MYO9B: variants seen among roughly 807,000 people sequenced by gnomAD.
MYO9B encodes unconventional myosin-IXb.
A neutral mutation model predicts 229.5 loss-of-function variants in MYO9B; 71 were observed. The observed-to-expected ratio is 0.31, with a 90% CI of 0.26 to 0.38. The LOEUF (loss-of-function observed/expected upper bound fraction) is 0.38. Ranked by LOEUF, MYO9B falls within the 10% of genes least tolerant of loss-of-function variation. The pLI is 1.00. For missense variants in MYO9B, 2,255 were observed against 2,920.5 expected, an observed-to-expected ratio of 0.77 and a Z score of 5.25; for synonymous variants, 1,185 against 1,235.8, an observed-to-expected ratio of 0.96 and a Z score of 0.86.
chr19:17,205,764 G>A (rs1468580638), intron 31 of MYO9B, among the ~76,000 whole-genome samples, 196 bp from the exon 32 acceptor site: 1 of 152,144 alleles, frequency 6.6e-6, no homozygotes, highest in African/African-American at 2.4e-5. Flanking sequence ...GGAAGCCCCT[G>A]CCCAGTGGCT....
At position 17,195,262 on chromosome 19, in the gene MYO9B, T is replaced by C. The variant is rs772950977; in HGVS notation, c.3835T>C (p.Cys1279Arg). The change falls in exon 22 of 40, where the codon TGT becomes CGT. Residue 1279 changes from cysteine (C) to arginine (R), a missense_variant. This residue lies in a region of MYO9B where 679 missense variants were observed against 770.2 expected (regional missense o/e 0.88). Coordinates refer to ENST00000682292, the MANE Select transcript of MYO9B (RefSeq NM_004145.4). The surrounding 1 kb of genome is among the most constrained non-coding windows in gnomAD (Gnocchi z 4.5). ...PETPEDKSKPCGSPRVQEKPD... is the reference protein window; with the variant it reads ...PETPEDKSKPRGSPRVQEKPD... ...GACCCCCGAGGACAAGAGCAAACCA[T>C]GTGGCAGCCCAAGGGTTCAGGAAAA... The C allele has an allele frequency of 1.7e-4, 280 of 1,609,888 alleles. No individual in the cohort carries two copies. The highest frequency in any genetic ancestry group is 2.5e-6 in the Non-Finnish European group (3 of 1,179,348).
In MYO9B at chr19:17,102,551, G is replaced by T. The variant is rs1364495890; in HGVS notation, c.834G>T (p.Val278=). The change falls in exon 2 of 40, where the codon GTG becomes GTT. Residue 278 remains valine (V), a synonymous_variant. Coordinates refer to ENST00000682292, the MANE Select transcript of MYO9B (RefSeq NM_004145.4). Reference sequence around the variant, plus strand: ...GGACCATCCTGGGTGCTGGCCCTGTGCTGGAGGTGAGCGGGGAAGCTGGTC... The same window carrying T: ...GGACCATCCTGGGTGCTGGCCCTGTTCTGGAGGTGAGCGGGGAAGCTGGTC... ...VERTILGAGP[V]LEAFGNAKTA... The T allele has an allele frequency of 3.1e-6, 5 of 1,587,314 alleles. No individual in the cohort carries two copies. The highest frequency in any genetic ancestry group is 4.3e-6 in the Non-Finnish European group (5 of 1,164,988).
intron 2 of MYO9B, among the ~76,000 whole-genome samples, chr19:17,126,847 A>G (rs1250291824): frequency 2.1e-5 from 3 of 145,276 alleles, no homozygotes; most frequent in South Asian, 2.2e-4. Context: ...TGCTTTTAAT[A>G]GAGACGGGGT....
chr19:17,212,630 C>G lies in MYO9B; in HGVS notation c.*320C>G. On this transcript the variant is annotated 3_prime_UTR_variant, in exon 40 of 40. Coordinates refer to ENST00000682292, the MANE Select transcript of MYO9B (RefSeq NM_004145.4). The surrounding 1 kb of genome is among the most constrained non-coding windows in gnomAD (Gnocchi z 5.4). Reference sequence around the variant, plus strand: ...TGTACGTGGTTTACGTAACTTTAAACTGTAACAGCCTTAATGGAAGACCAA... The same window carrying G: ...TGTACGTGGTTTACGTAACTTTAAAGTGTAACAGCCTTAATGGAAGACCAA... The G allele has an allele frequency of 2.8e-6, 1 of 357,294 alleles. No homozygotes were observed. Among genetic ancestry groups the G allele is most frequent in the Admixed American group, 4.4e-5 (1 of 22,504 alleles). The allele number at this position is 357,294 out of a possible 1,614,324, so 22.1% of individuals were successfully genotyped here.
chr19:17,199,408 C>G (rs915903804), intron 24 of MYO9B, among the ~76,000 whole-genome samples: 4 of 152,120 alleles, frequency 2.6e-5, no homozygotes, highest in Non-Finnish European at 5.9e-5. Flanking sequence ...TGGAGTCCCC[C>G]TGTGGCTTCT....
chr19:17,210,460 T>A (rs2073214433), intron 37 of MYO9B, 80 bp downstream of exon 37: 11 of 1,444,434 alleles, frequency 7.6e-6, no homozygotes, highest in Non-Finnish European at 1.0e-5. Context: ...CCTGGGCCCC[T>A]CGTAGGATAG....
In MYO9B at chr19:17,128,703, G is replaced by A. The variant is rs138924634; in HGVS notation, c.841-16694G>A. 2.3e-3 allele frequency among the ~76,000 whole-genome samples: 344 copies of A among 152,364 alleles called. 1 individual carries two copies. The highest frequency in any genetic ancestry group is 7.8e-3 in the African/African-American group (325 of 41,596). On this transcript the variant is annotated intron_variant, in intron 2 of 39. Coordinates refer to ENST00000682292, the MANE Select transcript of MYO9B (RefSeq NM_004145.4). ...TCCCCAGGTGGGCGTCACCTACTCCGTGGCCTCGGGACGAGTGCTGTTTCA... is the reference window on the plus strand; with the variant it reads ...TCCCCAGGTGGGCGTCACCTACTCCATGGCCTCGGGACGAGTGCTGTTTCA...
chr19:17,095,120 T>TC (rs2057675252), intron 1 of MYO9B, among the ~76,000 whole-genome samples: 1 of 151,864 alleles, frequency 6.6e-6, no homozygotes, highest in African/African-American at 2.4e-5. Context: ...ATGCCTGTAA[T>TC]CCCCTGAGAT....
In MYO9B at chr19:17,172,259, G is replaced by C; in HGVS notation, c.1794-77G>C. 2 of 1,572,130 alleles carry C rather than the reference G, an allele frequency of 1.3e-6. No homozygotes were observed. Among genetic ancestry groups the C allele is most frequent in the East Asian group, 4.5e-5 (2 of 44,276 alleles). ...TGCACCCACCCACCTCGTGCACCAG[G>C]GGTCTGCAAGATAAAATACACAGCA... On this transcript the variant is annotated intron_variant, in intron 11 of 39. Coordinates refer to ENST00000682292, the MANE Select transcript of MYO9B (RefSeq NM_004145.4). This position sits in a 1 kb window ranked among gnomAD's most constrained non-coding sequence, Gnocchi z 8.2.
chr19:17,173,238 A>G (rs2145364469), intron 13 of MYO9B, among the ~76,000 whole-genome samples: 1 of 144,632 alleles, frequency 6.9e-6, no homozygotes, highest in African/African-American at 2.5e-5. Flanking sequence ...GCTGATTGTG[A>G]TAATGTAGCT....
At chr19:17,155,071 G>A (rs1018278297) in intron 6 of MYO9B, among the ~76,000 whole-genome samples, 3 of 152,158 alleles carry the variant, frequency 2.0e-5, no homozygotes, top group African/African-American at 7.2e-5. Context: ...GTTCAAGGCT[G>A]TAAGTGAGCT....
At chr19:17,188,285 C>T (rs577502535) in intron 19 of MYO9B, among the ~76,000 whole-genome samples, 3 of 152,002 alleles carry the variant, frequency 2.0e-5, no homozygotes, top group South Asian at 2.1e-4. Flanking sequence ...AAAAATTAGC[C>T]GGGTGTGGCA....
rs2073097635 is a variant in MYO9B at position 17,200,693 on chromosome 19, C to T, written c.4427C>T (p.Pro1476Leu). 2 of 1,613,940 alleles carry T rather than the reference C, an allele frequency of 1.2e-6. No homozygotes were observed. Among genetic ancestry groups the T allele is most frequent in the African/African-American group, 1.3e-5 (1 of 74,934 alleles). ...HAAGEKRTKEPGGKGKKNRNV... is the reference protein window; with the variant it reads ...HAAGEKRTKELGGKGKKNRNV... ...GCAGGTGAGAAGCGCACCAAGGAAC[C>T]AGGAGGCAAAGGGAAGAAGAACCGA... Residue 1476 changes from proline (P) to leucine (L), a missense_variant, in exon 26 of 40, where the codon CCA (proline) becomes CTA (leucine). Pro to Leu is a moderately conservative substitution (Grantham distance 98, BLOSUM62 -3). Around this residue, in one of 7 missense-constraint regions of MYO9B, gnomAD observed 416 missense variants for 605.5 expected, o/e 0.69. Coordinates refer to ENST00000682292, the MANE Select transcript of MYO9B (RefSeq NM_004145.4).
At chr19:17,128,398 G>C (rs1208081949) in intron 2 of MYO9B, among the ~76,000 whole-genome samples, 1 of 152,096 alleles carries the variant, frequency 6.6e-6, no homozygotes, top group Admixed American at 6.6e-5. Flanking sequence ...CTCACTAAAA[G>C]AAATAGCCTG....
At position 17,085,128 on chromosome 19, in the gene MYO9B, A is replaced by G. The variant is rs185093321; in HGVS notation, c.-59+9254A>G. 3.1e-3 allele frequency among the ~76,000 whole-genome samples: 471 copies of G among 152,258 alleles called. 1 individual carries two copies. The highest frequency in any genetic ancestry group is 9.9e-3 in the African/African-American group (412 of 41,544). On this transcript the variant is annotated intron_variant, in intron 1 of 39. Coordinates refer to ENST00000682292, the MANE Select transcript of MYO9B (RefSeq NM_004145.4). ...GTCCCTGGCACAGGGATGAGCTTCA[A>G]GGGGAGCTGGGGAGTGGCTGTTTCA...
At chr19:17,147,280 C>T (rs1293173147) in intron 3 of MYO9B, among the ~76,000 whole-genome samples, 1 of 151,894 alleles carries the variant, frequency 6.6e-6, no homozygotes, top group East Asian at 1.9e-4. Flanking sequence ...TGGTGGCTCA[C>T]ACCTATAATC....
chr19:17,103,872 A>C (rs1483688155), intron 2 of MYO9B: 1 of 151,714 alleles, frequency 6.6e-6, no homozygotes, highest in African/African-American at 2.4e-5. Context: ...CCTGGCCAAC[A>C]TGATGAAACC....
At chr19:17,160,647 A>G (rs147068408) in intron 8 of MYO9B, among the ~76,000 whole-genome samples, 3,729 of 151,676 alleles carry the variant, frequency 0.025, 77 homozygotes, top group African/African-American at 0.06. Context: ...AGCTGGGATT[A>G]CAGGTGTGCG....
At chr19:17,115,658 G>T (rs2057895424) in intron 2 of MYO9B, among the ~76,000 whole-genome samples, 1 of 151,668 alleles carries the variant, frequency 6.6e-6, no homozygotes, top group Non-Finnish European at 1.5e-5. Context: ...TAGTAGAAAT[G>T]GGGATTCACC....
Sources: gnomAD v4.1 joint callset for allele counts (sites outside exome capture counted in the v4.1 genomes callset) on GRCh38, gnomAD v4.1.1 for gene constraint, gnomAD v4.1.1 regional missense constraint, Gnocchi (gnomAD v3.1) non-coding constraint, MANE v1.5 for transcripts, NCBI Gene and HGNC (gene_info 2026-07-23, HGNC 2026-07-21) for gene names.